CSNK2A2IP: variants seen among roughly 807,000 people sequenced by gnomAD.
CSNK2A2IP encodes casein kinase II subunit alpha'-interacting protein.
chr3:88,415,580 A>G, the CSNK2A2IP span, among the ~76,000 whole-genome samples: 110 of 152,114 alleles, frequency 7.2e-4, no homozygotes, highest in African/African-American at 2.4e-3. Context: ...ATGATTGTTA[A>G]ATGAAACTAT....
the CSNK2A2IP span, among the ~76,000 whole-genome samples, chr3:88,458,450 C>CG: frequency 2.0e-4 from 31 of 152,142 alleles, no homozygotes; most frequent in African/African-American, 7.5e-4. Flanking sequence ...CATGCCCAGC[C>CG]CTCTTTGTTT....
the CSNK2A2IP span, among the ~76,000 whole-genome samples, chr3:88,443,273 A>G: frequency 1.3e-5 from 2 of 152,220 alleles, no homozygotes; most frequent in African/African-American, 4.8e-5. Flanking sequence ...CATTATAAAC[A>G]TCTGGATTTT....
chr3:88,435,351 A>T, the CSNK2A2IP span, among the ~76,000 whole-genome samples: 1 of 152,292 alleles, frequency 6.6e-6, no homozygotes, highest in East Asian at 1.9e-4. Context: ...GGCCAGGAAA[A>T]TATGAGAAGA....
the CSNK2A2IP span, among the ~76,000 whole-genome samples, chr3:88,341,991 G>A: frequency 6.6e-6 from 1 of 152,070 alleles, no homozygotes; most frequent in East Asian, 1.9e-4. Context: ...TCATGAAACG[G>A]ATCATTCCCA....
At chr3:88,398,556 A>G in the CSNK2A2IP span, among the ~76,000 whole-genome samples, 2 of 152,166 alleles carry the variant, frequency 1.3e-5, no homozygotes, top group Non-Finnish European at 2.9e-5. Context: ...ATACCAAAGT[A>G]TATGTTCCAT....
the CSNK2A2IP span, among the ~76,000 whole-genome samples, chr3:88,371,048 A>T: frequency 6.6e-6 from 1 of 151,796 alleles, no homozygotes; most frequent in Non-Finnish European, 1.5e-5. Flanking sequence ...GAGAAAATAA[A>T]TTTATGTTGT....
At chr3:88,356,641 T>C in the CSNK2A2IP span, among the ~76,000 whole-genome samples, 1 of 152,042 alleles carries the variant, frequency 6.6e-6, no homozygotes, top group Non-Finnish European at 1.5e-5. Context: ...CATATGAGAG[T>C]TCTATTTTTA....
the CSNK2A2IP span, among the ~76,000 whole-genome samples, chr3:88,358,527 G>A: frequency 7.0e-3 from 1,053 of 149,994 alleles, 15 homozygotes; most frequent in African/African-American, 0.025. Context: ...GTTGTGAGCT[G>A]TTTTTTTTTT....
chr3:88,365,059 G>C, the CSNK2A2IP span, among the ~76,000 whole-genome samples: 1 of 152,082 alleles, frequency 6.6e-6, no homozygotes, highest in South Asian at 2.1e-4. Context: ...ACACAGCTAG[G>C]AAGTGTCTGA....
At chr3:88,381,001 A>G in the CSNK2A2IP span, among the ~76,000 whole-genome samples, 109 of 152,322 alleles carry the variant, frequency 7.2e-4, 1 homozygote, top group Admixed American at 4.1e-3. Flanking sequence ...TGCCAGTCAA[A>G]TTGGAGATTA....
the CSNK2A2IP span, among the ~76,000 whole-genome samples, chr3:88,369,021 T>C: frequency 6.6e-6 from 1 of 152,016 alleles, no homozygotes; most frequent in African/African-American, 2.4e-5. Flanking sequence ...TAGGTATGAC[T>C]GAGAAGAGGA....
the CSNK2A2IP span, among the ~76,000 whole-genome samples, chr3:88,444,634 T>C: frequency 6.6e-6 from 1 of 152,224 alleles, no homozygotes; most frequent in South Asian, 2.1e-4. Flanking sequence ...ATGTGTTAAC[T>C]AGTTTAATGC....
At chr3:88,366,888 G>C in the CSNK2A2IP span, among the ~76,000 whole-genome samples, 1 of 152,066 alleles carries the variant, frequency 6.6e-6, no homozygotes, top group Non-Finnish European at 1.5e-5. Flanking sequence ...GAAGGCGAAA[G>C]GCACTTCTTA....
chr3:88,393,528 C>T, the CSNK2A2IP span, among the ~76,000 whole-genome samples: 6 of 152,086 alleles, frequency 3.9e-5, no homozygotes, highest in Admixed American at 6.5e-5. Flanking sequence ...TGTGTACATA[C>T]ACATACACAT....
At chr3:88,390,739 T>A in the CSNK2A2IP span, among the ~76,000 whole-genome samples, 4 of 152,288 alleles carry the variant, frequency 2.6e-5, no homozygotes, top group African/African-American at 9.6e-5. Context: ...AGTGCAGCAA[T>A]ATAAGTATCC....
At chr3:88,347,323 G>T in the CSNK2A2IP span, among the ~76,000 whole-genome samples, 4 of 151,994 alleles carry the variant, frequency 2.6e-5, no homozygotes, top group Non-Finnish European at 5.9e-5. Flanking sequence ...TTTGGAAGAA[G>T]TTCTAATGTG....
the CSNK2A2IP span, among the ~76,000 whole-genome samples, chr3:88,419,375 C>T: frequency 6.6e-6 from 1 of 152,106 alleles, no homozygotes; most frequent in Non-Finnish European, 1.5e-5. Flanking sequence ...TCTGTTCCTG[C>T]ATTAATTTAC....
the CSNK2A2IP span, among the ~76,000 whole-genome samples, chr3:88,396,775 C>A: frequency 6.6e-6 from 1 of 152,078 alleles, no homozygotes; most frequent in African/African-American, 2.4e-5. Context: ...TTAAAAAGAT[C>A]AGTATGGCTG....
the CSNK2A2IP span, among the ~76,000 whole-genome samples, chr3:88,396,932 G>GA: frequency 1.3e-5 from 2 of 152,066 alleles, no homozygotes; most frequent in African/African-American, 2.4e-5. Flanking sequence ...GTAATTTAGA[G>GA]AAAAAATACT....
Sources: gnomAD v4.1 joint callset for allele counts (sites outside exome capture counted in the v4.1 genomes callset) on GRCh38, gnomAD v4.1.1 for gene constraint, MANE v1.5 for transcripts, NCBI Gene and HGNC (gene_info 2026-07-23, HGNC 2026-07-21) for gene names.